Variants in MAN1C1 observed in about 807,000 individuals in gnomAD.
The protein encoded by MAN1C1 is mannosyl-oligosaccharide 1,2-alpha-mannosidase IC.
MAN1C1 carries 49 observed loss-of-function variants against 71.5 expected under a neutral mutation model. That is an observed-to-expected ratio of 0.69 (90% CI 0.54 to 0.87). The LOEUF (loss-of-function observed/expected upper bound fraction) is 0.87, where lower values mean the gene tolerates loss of function less well. Ranked by LOEUF, MAN1C1 falls within the 40% of genes least tolerant of loss-of-function variation. The probability of loss-of-function intolerance (pLI) is 0.00; values close to 1 mark genes in which losing one functional copy is unlikely to be tolerated. For synonymous variants in MAN1C1, 352 were observed against 343.7 expected, an observed-to-expected ratio of 1.02 and a Z score of -0.27; for missense variants, 743 against 835.0, an observed-to-expected ratio of 0.89 and a Z score of 1.36.
At position 25,617,964 on chromosome 1, in the gene MAN1C1, C is replaced by T. The variant is rs1362602460; in HGVS notation, c.167C>T (p.Pro56Leu). The change falls in exon 1 of 12, where the codon CCC (proline) becomes CTC (leucine). Residue 56 changes from proline (P) to leucine (L), a missense_variant. Transcript: ENST00000374332. The surrounding 1 kb of genome is among the most constrained non-coding windows in gnomAD (Gnocchi z 5.1). ...CGCCTCAAGCGCCTCTTCCTGGCCCCCCGGACCCAGCAGCCTGGTCTGGAA... is the reference window on the plus strand; with the variant it reads ...CGCCTCAAGCGCCTCTTCCTGGCCCTCCGGACCCAGCAGCCTGGTCTGGAA... ...SSRLKRLFLAPRTQQPGLEVV... is the reference protein window; with the variant it reads ...SSRLKRLFLALRTQQPGLEVV... 1.2e-6 allele frequency: 2 copies of T among 1,608,892 alleles called. No individual in the cohort carries two copies. The highest frequency in any genetic ancestry group is 1.7e-5 in the Admixed American group (1 of 59,758).
At position 25,655,380 on chromosome 1, in the gene MAN1C1, A is replaced by G. The variant is rs550010304; in HGVS notation, c.541-31060A>G. 7.2e-5 allele frequency among the ~76,000 whole-genome samples: 11 copies of G among 152,346 alleles called. No homozygotes were observed. In the South Asian group the frequency reaches 1.9e-3, roughly 26 times the overall value. On this transcript the variant is annotated intron_variant, in intron 1 of 11. Coordinates refer to ENST00000374332, the MANE Select transcript of MAN1C1 (RefSeq NM_020379.4). The stretch of plus-strand genomic sequence containing the variant: ...CCTTCTGCAAGGTGAGGGCGAGCTG[A>G]AGAAATGAGCCCCTCTTGCCTCTGT...
In MAN1C1 at chr1:25,631,482, T is replaced by C. The variant is rs2045379943; in HGVS notation, c.540+13145T>C. Reference sequence around the variant, plus strand: ...GATGCTGGATCTTATTGAATGCTTTTTCTGCAACTATTGAGATGATCGTAT... The same window carrying C: ...GATGCTGGATCTTATTGAATGCTTTCTCTGCAACTATTGAGATGATCGTAT... On this transcript the variant is annotated intron_variant, in intron 1 of 11. Coordinates refer to ENST00000374332, the MANE Select transcript of MAN1C1 (RefSeq NM_020379.4). The surrounding 1 kb of genome is among the most constrained non-coding windows in gnomAD (Gnocchi z 4.2). Among the ~76,000 whole-genome samples, 1 of 152,216 alleles carries C rather than the reference T, an allele frequency of 6.6e-6. No individual in the cohort carries two copies. The highest frequency in any genetic ancestry group is 2.4e-5 in the African/African-American group (1 of 41,446).
chr1:25,684,829 T>A (rs771221318), intron 1 of MAN1C1, among the ~76,000 whole-genome samples: 1 of 151,902 alleles, frequency 6.6e-6, no homozygotes, highest in African/African-American at 2.4e-5. Context: ...TGTCTGGGCG[T>A]GAGGTGAGTG....
chr1:25,768,882 A>ATTC, intron 7 of MAN1C1, among the ~76,000 whole-genome samples: 1 of 145,406 alleles, frequency 6.9e-6, no homozygotes, highest in East Asian at 2.1e-4. Flanking sequence ...CCCCTCACAC[A>ATTC]CACCACACAC....
At chr1:25,701,706 T>G (rs1171509226) in intron 2 of MAN1C1, among the ~76,000 whole-genome samples, 1 of 152,228 alleles carries the variant, frequency 6.6e-6, no homozygotes, top group African/African-American at 2.4e-5. Context: ...GCGTGCGATG[T>G]GCCTCTGTTG....
Position 25,735,288 on chromosome 1 carries a change from C to T in MAN1C1, c.638-11380C>T, listed in dbSNP as rs1224220572. On this transcript the variant is annotated intron_variant, in intron 2 of 11. Coordinates refer to ENST00000374332, the MANE Select transcript of MAN1C1 (RefSeq NM_020379.4). This position sits in a 1 kb window ranked among gnomAD's most constrained non-coding sequence, Gnocchi z 4.6. Reference sequence around the variant, plus strand: ...CAAAAATTAGCCGGGCATGCTGACGCATGCCTGTAATCCCAGCTACTTGGG... The same window carrying T: ...CAAAAATTAGCCGGGCATGCTGACGTATGCCTGTAATCCCAGCTACTTGGG... Among the ~76,000 whole-genome samples, 2 of 152,180 alleles carry T rather than the reference C, an allele frequency of 1.3e-5. No homozygotes were observed. Among genetic ancestry groups the T allele is most frequent in the African/African-American group, 2.4e-5 (1 of 41,440 alleles).
At position 25,778,337 on chromosome 1, in the gene MAN1C1, G is replaced by A. The variant is rs750445308; in HGVS notation, c.1477+13G>A. On this transcript the variant is annotated intron_variant, in intron 9 of 11. Coordinates refer to ENST00000374332, the MANE Select transcript of MAN1C1 (RefSeq NM_020379.4). The surrounding 1 kb of genome is among the most constrained non-coding windows in gnomAD (Gnocchi z 5.5). The stretch of plus-strand genomic sequence containing the variant: ...TACGCCCGCTCAGGTAACCCTGCAA[G>A]GGGAAGGGGCAGCAGGAGAGACTGA... 6.3e-7 allele frequency: 1 copy of A among 1,599,410 alleles called. No individual in the cohort carries two copies. Among genetic ancestry groups the A allele is most frequent in the Admixed American group, 1.7e-5 (1 of 58,788 alleles).
At chr1:25,693,501 C>A (rs189711493) in intron 2 of MAN1C1, among the ~76,000 whole-genome samples, 6 of 152,254 alleles carry the variant, frequency 3.9e-5, no homozygotes, top group African/African-American at 1.4e-4. Context: ...CGTGGTGCCG[C>A]CCACCTGTAG....
At chr1:25,665,126 A>G (rs1299564598) in intron 1 of MAN1C1, among the ~76,000 whole-genome samples, 3 of 152,182 alleles carry the variant, frequency 2.0e-5, no homozygotes, top group Non-Finnish European at 4.4e-5. Flanking sequence ...GTGTCTCTTC[A>G]TTATTTCCAT....
intron 2 of MAN1C1, among the ~76,000 whole-genome samples, chr1:25,712,678 G>T (rs565986949): frequency 6.6e-6 from 1 of 152,110 alleles, no homozygotes; most frequent in East Asian, 1.9e-4. Context: ...TTCACTTCTC[G>T]AATAGGAAAA....
intron 2 of MAN1C1, among the ~76,000 whole-genome samples, chr1:25,733,823 G>C (rs545494308): frequency 6.6e-6 from 1 of 150,570 alleles, no homozygotes; most frequent in South Asian, 2.1e-4. Flanking sequence ...TTTTTGAGAC[G>C]GAGTCTTTCT....
intron 1 of MAN1C1, among the ~76,000 whole-genome samples, chr1:25,633,594 T>C (rs529245134): frequency 3.3e-5 from 5 of 152,100 alleles, no homozygotes; most frequent in African/African-American, 1.2e-4. Flanking sequence ...ATAAGAATAG[T>C]TATTCTTGTT....
At position 25,783,949 on chromosome 1, in the gene MAN1C1, G is replaced by A; in HGVS notation, c.*160G>A. 1 of 927,666 alleles carries A rather than the reference G, an allele frequency of 1.1e-6. No individual in the cohort carries two copies. Among genetic ancestry groups the A allele is most frequent in the South Asian group, 1.7e-5 (1 of 57,156 alleles). 57.5% of individuals were successfully genotyped at this position (927,666 alleles called of 1,614,324 possible). A position where few individuals can be genotyped will look rare whatever the true frequency, so the allele number is the denominator to read the frequency against. On this transcript the variant is annotated 3_prime_UTR_variant, in exon 12 of 12. Coordinates refer to ENST00000374332, the MANE Select transcript of MAN1C1 (RefSeq NM_020379.4). ...CTTCTTTTCCTCTGTGAGGAGACAA[G>A]ACTTGGAGACTCAGCGATGTCAGGC...
intron 2 of MAN1C1, among the ~76,000 whole-genome samples, chr1:25,727,476 G>A (rs1473247861): frequency 6.6e-6 from 1 of 152,212 alleles, no homozygotes. Flanking sequence ...ACGGGACAGT[G>A]GGGGATACGT....
At chr1:25,752,460 C>G (rs2047229862) in intron 4 of MAN1C1, among the ~76,000 whole-genome samples, 1 of 152,232 alleles carries the variant, frequency 6.6e-6, no homozygotes, top group African/African-American at 2.4e-5. Flanking sequence ...AGCCACCGTG[C>G]CTGGCCCACA....
chr1:25,695,381 C>T (rs1264443414), intron 2 of MAN1C1, among the ~76,000 whole-genome samples: 1 of 152,088 alleles, frequency 6.6e-6, no homozygotes, highest in Non-Finnish European at 1.5e-5. Context: ...GAGCACTGGT[C>T]ACTGATAGCC....
intron 2 of MAN1C1, among the ~76,000 whole-genome samples, chr1:25,697,016 G>T (rs985944180): frequency 1.3e-5 from 2 of 152,130 alleles, no homozygotes; most frequent in Non-Finnish European, 2.9e-5. Flanking sequence ...GTATTATACT[G>T]CATGTACTCT....
chr1:25,735,012 G>A lies in MAN1C1; in HGVS notation c.638-11656G>A, dbSNP rs866699830. 6.6e-6 allele frequency among the ~76,000 whole-genome samples: 1 copy of A among 152,156 alleles called. No homozygotes were observed. Among genetic ancestry groups the A allele is most frequent in the Non-Finnish European group, 1.5e-5 (1 of 68,026 alleles). On this transcript the variant is annotated intron_variant, in intron 2 of 11. Coordinates refer to ENST00000374332, the MANE Select transcript of MAN1C1 (RefSeq NM_020379.4). The surrounding 1 kb of genome is among the most constrained non-coding windows in gnomAD (Gnocchi z 4.6). Reference sequence around the variant, plus strand: ...TGGGGACATTGTGTGTTAGAAGAGGGCATGCCAGGTAGAGAAAACAGCTTG... The same window carrying A: ...TGGGGACATTGTGTGTTAGAAGAGGACATGCCAGGTAGAGAAAACAGCTTG...
chr1:25,717,554 C>T (rs893105069), intron 2 of MAN1C1, among the ~76,000 whole-genome samples: 2 of 149,840 alleles, frequency 1.3e-5, no homozygotes, highest in African/African-American at 4.9e-5. Flanking sequence ...TTGTCTTTTT[C>T]AAAGCAGATG....
Sources: gnomAD v4.1 joint callset for allele counts (sites outside exome capture counted in the v4.1 genomes callset) on GRCh38, gnomAD v4.1.1 for gene constraint, Gnocchi (gnomAD v3.1) non-coding constraint, MANE v1.5 for transcripts, NCBI Gene and HGNC (gene_info 2026-07-23, HGNC 2026-07-21) for gene names.